Variants in KANK1 observed in about 807,000 individuals in gnomAD.
KANK1 encodes KN motif and ankyrin repeat domain-containing protein 1.
A neutral mutation model predicts 106.2 loss-of-function variants in KANK1; 109 were observed. The ratio of observed to expected loss-of-function variants is 1.03; its 90% CI spans 0.88 to 1.20. The LOEUF (loss-of-function observed/expected upper bound fraction) is 1.20, where lower values mean the gene tolerates loss of function less well. Ranked by LOEUF, KANK1 falls within the 50% of genes most tolerant of loss-of-function variation. KANK1 has a pLI of 0.00. For synonymous variants in KANK1, 873 were observed against 652.2 expected (o/e 1.34, Z -5.16); for missense variants, 2,399 against 1,710.7 (o/e 1.40, Z -7.10).
At position 603,289 on chromosome 9, in the gene KANK1, T is replaced by C. The variant is rs115205601; in HGVS notation, c.-83-73601T>C. Among the ~76,000 whole-genome samples, 293 of 152,016 alleles carry C rather than the reference T, an allele frequency of 1.9e-3. 9 individuals are homozygous for C. Among genetic ancestry groups the C allele is most frequent in the African/African-American group, 6.7e-3 (277 of 41,278 alleles). The stretch of plus-strand genomic sequence containing the variant: ...CTCAACTGGCAGATAAAGCCTAGTA[T>C]TGAATTGTTTTCAGTTCAGAAACGT... On this transcript the variant is annotated intron_variant, in intron 1 of 11. Coordinates refer to ENST00000382297, the MANE Select transcript of KANK1 (RefSeq NM_015158.5).
At chr9:744,817 CA>C (rs1283215878) in intron 11 of KANK1, 1 of 1,434,550 alleles carries the variant, frequency 7.0e-7, no homozygotes, top group Non-Finnish European at 9.1e-7. Flanking sequence ...CATATGCTCA[CA>C]GCTTCCCATA....
intron 1 of KANK1, among the ~76,000 whole-genome samples, chr9:544,574 G>A (rs1006091924): frequency 2.6e-5 from 4 of 152,194 alleles, no homozygotes; most frequent in Admixed American, 1.3e-4. Flanking sequence ...AAGTGAGGAC[G>A]TAACATATTT....
intron 3 of KANK1, among the ~76,000 whole-genome samples, chr9:714,957 A>G (rs1463716363): frequency 6.6e-6 from 1 of 151,522 alleles, no homozygotes; most frequent in Admixed American, 6.6e-5. Context: ...GATTAATTTT[A>G]CATGAAAATG....
At chr9:714,667 C>T (rs1299489016) in intron 3 of KANK1, among the ~76,000 whole-genome samples, 1 of 152,122 alleles carries the variant, frequency 6.6e-6, no homozygotes, top group Non-Finnish European at 1.5e-5. Context: ...CCGATAGGCG[C>T]TTACATTTTT....
intron 1 of KANK1, among the ~76,000 whole-genome samples, chr9:614,230 T>G (rs1831254996): frequency 6.6e-6 from 1 of 152,180 alleles, no homozygotes; most frequent in Non-Finnish European, 1.5e-5. Context: ...AAAAGTGTGT[T>G]TAGCAGATGG....
At chr9:740,716 C>A in intron 8 of KANK1, 76 bp from the exon 9 acceptor site, 1 of 1,483,668 alleles carries the variant, frequency 6.7e-7, no homozygotes, top group East Asian at 2.3e-5. Flanking sequence ...AAACACCATC[C>A]CTTCAGTGGC....
At chr9:672,174 C>A (rs1815318325) in intron 1 of KANK1, among the ~76,000 whole-genome samples, 1 of 152,180 alleles carries the variant, frequency 6.6e-6, no homozygotes, top group African/African-American at 2.4e-5. Flanking sequence ...CTTTAAATGT[C>A]AGCACTGTCA....
intron 1 of KANK1, among the ~76,000 whole-genome samples, chr9:507,494 A>C (rs1257603145): frequency 6.6e-6 from 1 of 150,954 alleles, no homozygotes; most frequent in Non-Finnish European, 1.5e-5. Flanking sequence ...GGTTTAAGCG[A>C]TTCTCCTGCC....
intron 3 of KANK1, among the ~76,000 whole-genome samples, chr9:728,221 CTCCCTCTG>C (rs1389106330): frequency 6.6e-6 from 1 of 152,070 alleles, no homozygotes; most frequent in African/African-American, 2.4e-5. Context: ...GAGATGGAGT[CTCCCTCTG>C]TCACTCTGTC....
intron 7 of KANK1, among the ~76,000 whole-genome samples, chr9:736,205 A>G (rs1048628412): frequency 3.9e-5 from 6 of 152,142 alleles, no homozygotes; most frequent in Non-Finnish European, 5.9e-5. Context: ...TGGTCCGCCC[A>G]TCTTGGCCTC....
chr9:577,946 T>G (rs1190594409), intron 1 of KANK1, among the ~76,000 whole-genome samples: 1 of 151,836 alleles, frequency 6.6e-6, no homozygotes, highest in Non-Finnish European at 1.5e-5. Flanking sequence ...CCCCAAAGAG[T>G]GCTAGTTGTT....
chr9:488,762 A>G (rs766214711), intron 3 of KANK1, among the ~76,000 whole-genome samples: 5 of 152,216 alleles, frequency 3.3e-5, no homozygotes, highest in Non-Finnish European at 5.9e-5. Flanking sequence ...GTTATGTACA[A>G]TCTCAAGCAG....
intron 1 of KANK1, among the ~76,000 whole-genome samples, chr9:618,355 A>C (rs1048757944): frequency 1.3e-5 from 2 of 151,954 alleles, no homozygotes; most frequent in African/African-American, 4.8e-5. Context: ...CTACAGGCAC[A>C]CGCCACCACA....
chr9:562,042 CTTTTTTTT>C (rs34419752), intron 1 of KANK1, among the ~76,000 whole-genome samples: 2 of 104,926 alleles, frequency 1.9e-5, no homozygotes, highest in Non-Finnish European at 3.6e-5. Flanking sequence ...ATTGCATTTT[CTTTTTTTT>C]TTTTTTTTTT....
chr9:544,497 A>C lies in KANK1; in HGVS notation c.-84+39743A>C, dbSNP rs570074887. Among the ~76,000 whole-genome samples the C allele has an allele frequency of 3.3e-5, 5 of 152,330 alleles. No individual in the cohort carries two copies. The South Asian group carries it at 8.3e-4, about 25-fold the overall frequency. ...CATAACAAATTTGAGATGAGCAATT[A>C]ATAGATGGACCGGCCAACAAACACT... On this transcript the variant is annotated intron_variant, in intron 1 of 11. Coordinates refer to ENST00000382297, the MANE Select transcript of KANK1 (RefSeq NM_015158.5).
At chr9:595,901 G>C (rs912592218) in intron 1 of KANK1, among the ~76,000 whole-genome samples, 3 of 151,822 alleles carry the variant, frequency 2.0e-5, no homozygotes, top group African/African-American at 7.3e-5. Context: ...AGCTTTTACA[G>C]TTTGAGCATC....
At chr9:611,992 A>G (rs1184180113) in intron 1 of KANK1, among the ~76,000 whole-genome samples, 1 of 152,230 alleles carries the variant, frequency 6.6e-6, no homozygotes, top group African/African-American at 2.4e-5. Context: ...TGCTGGGATT[A>G]CAGGCGTGAG....
intron 1 of KANK1, among the ~76,000 whole-genome samples, chr9:642,571 A>G (rs1286244965): frequency 6.6e-6 from 1 of 150,940 alleles, no homozygotes; most frequent in Non-Finnish European, 1.5e-5. Flanking sequence ...ACACTCAGCT[A>G]CTAGAACAGA....
intron 1 of KANK1, among the ~76,000 whole-genome samples, chr9:597,133 A>T (rs1374003372): frequency 6.6e-6 from 1 of 151,796 alleles, no homozygotes; most frequent in Non-Finnish European, 1.5e-5. Context: ...CTGTTGATAG[A>T]TTTTTGATTT....
Sources: gnomAD v4.1 joint callset for allele counts (sites outside exome capture counted in the v4.1 genomes callset) on GRCh38, gnomAD v4.1.1 for gene constraint, MANE v1.5 for transcripts, NCBI Gene and HGNC (gene_info 2026-07-23, HGNC 2026-07-21) for gene names.